The following MYO1E variants were observed in gnomAD, a reference collection of about 807,000 sequenced individuals.
MYO1E encodes unconventional myosin-Ie.
A neutral mutation model predicts 151.1 loss-of-function variants in MYO1E; 68 were observed. That is an observed-to-expected ratio of 0.45 (90% confidence interval 0.37 to 0.55). MYO1E has a LOEUF of 0.55. Among genes scored for constraint, MYO1E ranks in the 20% least tolerant of loss-of-function variants. MYO1E has a pLI of 0.00. For missense variants in MYO1E, 1,363 were observed against 1,389.3 expected (o/e 0.98, Z 0.30); for synonymous variants, 601 against 501.7 (o/e 1.20, Z -2.64).
chr15:59,267,987 C>T (rs1483652323), intron 2 of MYO1E, among the ~76,000 whole-genome samples: 1 of 152,002 alleles, frequency 6.6e-6, no homozygotes, highest in Non-Finnish European at 1.5e-5. Context: ...CAATCGATCG[C>T]CCCAAATGCT....
intron 1 of MYO1E, among the ~76,000 whole-genome samples, chr15:59,310,371 G>A (rs1351166685): frequency 1.3e-5 from 2 of 152,232 alleles, no homozygotes; most frequent in Admixed American, 1.3e-4. Context: ...AATAGTCTTT[G>A]CGGATAGAAT....
chr15:59,361,728 A>G (rs1458244958), intron 1 of MYO1E, among the ~76,000 whole-genome samples: 1 of 152,212 alleles, frequency 6.6e-6, no homozygotes, highest in Non-Finnish European at 1.5e-5. Context: ...TATGTAAAGC[A>G]AATAAAACAT....
rs752888916 is a variant in MYO1E at position 59,153,674 on chromosome 15, C to G, written c.2996G>C (p.Arg999Pro). The part of the protein sequence containing the change: ...YTSMARPPLP[R>P]QQSTSSDRVS... ...TCGGTCTGAACTGGTAGACTGCTGC[C>G]GAGGCAAGGGCGGGCGGGCCATGGA... is the stretch of plus-strand genomic sequence containing the variant. Residue 999 changes from arginine (R) to proline (P), a missense_variant, in exon 26 of 28, where the codon CGG becomes CCG. Coordinates refer to ENST00000288235, the MANE Select transcript of MYO1E (RefSeq NM_004998.4). 2 of 1,614,108 alleles carry G rather than the reference C, an allele frequency of 1.2e-6. No individual in the cohort carries two copies. The highest frequency in any genetic ancestry group is 1.7e-6 in the Non-Finnish European group (2 of 1,180,006).
chr15:59,223,231 C>T (rs1425937576), intron 8 of MYO1E, 40 bp from the exon 9 acceptor site: 1 of 1,613,350 alleles, frequency 6.2e-7, no homozygotes, highest in South Asian at 1.1e-5. Flanking sequence ...AAGCTGGTCA[C>T]CAGCTTTAAA....
intron 16 of MYO1E, among the ~76,000 whole-genome samples, chr15:59,196,219 T>C (rs2079765373): frequency 6.6e-6 from 1 of 152,206 alleles, no homozygotes; most frequent in Non-Finnish European, 1.5e-5. Context: ...ACTTACTTCT[T>C]TGCAAATCTA....
At position 59,372,575 on chromosome 15, in the gene MYO1E, G is replaced by A. The variant is rs113660219; in HGVS notation, c.-75C>T. 8.2e-3 allele frequency: 12,473 copies of A among 1,518,508 alleles called. 66 individuals are homozygous for A. Among genetic ancestry groups the A allele is most frequent in the East Asian group, 0.018 (704 of 39,954 alleles). 94.1% of individuals were successfully genotyped at this position (1,518,508 alleles called of 1,614,324 possible). A position where few individuals can be genotyped will look rare whatever the true frequency, so the allele number is the denominator to read the frequency against. ...CTGGGGCTGGAACGCAGTCTTCTGG[G>A]CGAACTTCAAAAGTTGGTTCCCCTC... On this transcript the variant is annotated 5_prime_UTR_variant, in exon 1 of 28. Transcript: ENST00000288235.
Position 59,337,525 on chromosome 15 carries a change from A to G in MYO1E, c.3+34973T>C, listed in dbSNP as rs555123971. On this transcript the variant is annotated intron_variant, in intron 1 of 27. Coordinates refer to ENST00000288235, the MANE Select transcript of MYO1E (RefSeq NM_004998.4). ...TGAAACTTAAAAGAACATTCAGACTACTATAGTCAAAAATATTTCGCTCGG... is the reference window on the plus strand; with the variant it reads ...TGAAACTTAAAAGAACATTCAGACTGCTATAGTCAAAAATATTTCGCTCGG... Among the ~76,000 whole-genome samples, 13 of 152,298 alleles carry G rather than the reference A, an allele frequency of 8.5e-5. No homozygotes were observed. The South Asian group carries it at 2.7e-3, about 32-fold the overall frequency.
At chr15:59,225,898 G>A (rs2079988021) in intron 7 of MYO1E, among the ~76,000 whole-genome samples, 1 of 152,014 alleles carries the variant, frequency 6.6e-6, no homozygotes, top group South Asian at 2.1e-4. Flanking sequence ...CACCCACCTT[G>A]GCATCCCAAA....
At chr15:59,171,812 G>A (rs1403512623) in intron 22 of MYO1E, 85 bp downstream of exon 22, 31 of 1,573,126 alleles carry the variant, frequency 2.0e-5, no homozygotes, top group African/African-American at 2.7e-5. Context: ...AGCCCAGCCC[G>A]GCCTTCCTCC....
intron 26 of MYO1E, among the ~76,000 whole-genome samples, chr15:59,151,523 A>C (rs1393697020): frequency 6.6e-6 from 1 of 152,236 alleles, no homozygotes; most frequent in Admixed American, 6.5e-5. Flanking sequence ...GGGCAAAAGG[A>C]ATGCTGCTAG....
At chr15:59,208,011 G>A in intron 14 of MYO1E, 2 of 1,607,268 alleles carry the variant, frequency 1.2e-6, no homozygotes, top group Non-Finnish European at 1.7e-6. Context: ...AGATAAAGCT[G>A]ACCCCTGAAG....
intron 12 of MYO1E, 80 bp from the exon 13 acceptor site, chr15:59,210,680 A>T: frequency 1.0e-6 from 1 of 984,400 alleles, no homozygotes; most frequent in Non-Finnish European, 1.6e-6. Context: ...ATGGACAAAA[A>T]TTCCCATAAA....
chr15:59,300,301 CACACACACACACAG>C (rs1236585291), intron 1 of MYO1E, among the ~76,000 whole-genome samples: 5 of 151,896 alleles, frequency 3.3e-5, no homozygotes, highest in Non-Finnish European at 5.9e-5. Context: ...CACGCGCACA[CACACACACACACAG>C]ACACACACAC....
intron 24 of MYO1E, among the ~76,000 whole-genome samples, chr15:59,160,645 T>C (rs1476252260): frequency 1.3e-5 from 2 of 151,820 alleles, no homozygotes; most frequent in African/African-American, 4.8e-5. Context: ...TCTGGAACTC[T>C]TGGGTTCAAG....
Position 59,172,011 on chromosome 15 carries a change from T to C in MYO1E, c.2366A>G (p.Lys789Arg), listed in dbSNP as rs1237028537. ...TTCTCGTCCGATTAAGTACAAGCAC[T>C]TTGGGGTAAGGAGCAGGTCTCGCTT... ...GVKRDLLLTP[K>R]CLYLIGREKV... Residue 789 changes from lysine to arginine, a missense_variant, in exon 22 of 28, where the codon AAG (lysine) becomes AGG (arginine). By Grantham distance (26) the Lys-to-Arg change is conservative. Coordinates refer to ENST00000288235, the MANE Select transcript of MYO1E (RefSeq NM_004998.4). 2.5e-6 allele frequency: 4 copies of C among 1,614,074 alleles called. No individual in the cohort carries two copies. The African/African-American group carries it at 4.0e-5, about 16-fold the overall frequency.
intron 1 of MYO1E, among the ~76,000 whole-genome samples, chr15:59,319,688 G>A (rs1358743754): frequency 6.7e-6 from 1 of 150,336 alleles, no homozygotes; most frequent in Non-Finnish European, 1.5e-5. Flanking sequence ...CGGATCACCT[G>A]AGGTCAGGAG....
intron 1 of MYO1E, among the ~76,000 whole-genome samples, chr15:59,313,536 A>T (rs1022854965): frequency 7.3e-6 from 1 of 136,212 alleles, no homozygotes; most frequent in South Asian, 2.2e-4. Context: ...TCTTTCAGTG[A>T]TCATTCTGTG....
chr15:59,219,324 T>C (rs1198319796), intron 9 of MYO1E, among the ~76,000 whole-genome samples: 1 of 152,240 alleles, frequency 6.6e-6, no homozygotes, highest in Non-Finnish European at 1.5e-5. Flanking sequence ...GAATGAAAGA[T>C]TTTTATAGAT....
At chr15:59,355,722 TC>T (rs2080849226) in intron 1 of MYO1E, among the ~76,000 whole-genome samples, 1 of 53,680 alleles carries the variant, frequency 1.9e-5, no homozygotes, top group South Asian at 7.5e-4. Flanking sequence ...TTTGCCTATT[TC>T]TTTTTTTTTT....
Sources: gnomAD v4.1 joint callset for allele counts (sites outside exome capture counted in the v4.1 genomes callset) on GRCh38, gnomAD v4.1.1 for gene constraint, MANE v1.5 for transcripts, NCBI Gene and HGNC (gene_info 2026-07-23, HGNC 2026-07-21) for gene names.